The following FAM120AOS variants were observed in gnomAD, a reference collection of about 807,000 sequenced individuals.
FAM120AOS encodes uncharacterized protein FAM120AOS.
In FAM120AOS, 15 loss-of-function variants were observed where a neutral mutation model predicts 20.2. The observed-to-expected ratio is 0.74, with a 90% CI of 0.50 to 1.15. The LOEUF (loss-of-function observed/expected upper bound fraction) is 1.15, where lower values mean the gene tolerates loss of function less well. Ranked by LOEUF, FAM120AOS falls within the 50% of genes most tolerant of loss-of-function variation. The pLI, the probability that FAM120AOS is intolerant of heterozygous loss-of-function variation, is 0.00. For synonymous variants in FAM120AOS, 154 were observed against 154.0 expected, an observed-to-expected ratio of 1.00 and a Z score of 0.00; for missense variants, 327 against 351.9, an observed-to-expected ratio of 0.93 and a Z score of 0.57.
At chr9:93,451,599 G>T (rs556452661) in intron 1 of FAM120AOS, 14 of 982,566 alleles carry the variant, frequency 1.4e-5, no homozygotes, top group Non-Finnish European at 1.7e-5. Context: ...GCTAGCCGGC[G>T]GGCCTGGGCG....
intron 2 of FAM120AOS, among the ~76,000 whole-genome samples, chr9:93,449,374 A>C (rs1856988449): frequency 6.6e-6 from 1 of 152,174 alleles, no homozygotes. Flanking sequence ...ATATTTTTGC[A>C]AGGGCACAGA....
At chr9:93,449,436 C>A (rs1055320902) in intron 2 of FAM120AOS, among the ~76,000 whole-genome samples, 1 of 149,840 alleles carries the variant, frequency 6.7e-6, no homozygotes, top group Non-Finnish European at 1.5e-5. Flanking sequence ...TAGACCTCTA[C>A]AATATAATAA....
chr9:93,449,578 C>T (rs1332210557), intron 2 of FAM120AOS, among the ~76,000 whole-genome samples: 2 of 150,168 alleles, frequency 1.3e-5, no homozygotes, highest in African/African-American at 5.0e-5. Flanking sequence ...ACCTCCACCT[C>T]CCAGGTTCAA....
rs1432834672 is a variant in FAM120AOS, at chr9:93,445,165, T to TAAG, written c.*2443_*2445dup. 1.3e-5 allele frequency among the ~76,000 whole-genome samples: 2 copies of TAAG among 152,246 alleles called. No homozygotes were observed. The highest frequency in any genetic ancestry group is 3.9e-4 in the East Asian group (2 of 5,176). ...TTCTATCTTCTAGGACAGGGTACAG[T>TAAG]AAGTCTTACCAAACATGTAAGACAT... On this transcript the variant is annotated 3_prime_UTR_variant, in exon 3 of 3. Transcript: ENST00000375412.
chr9:93,453,118 C>T lies in FAM120AOS; in HGVS notation c.-409G>A. 9.8e-7 allele frequency: 1 copy of T among 1,015,468 alleles called. No individual in the cohort carries two copies. The highest frequency in any genetic ancestry group is 1.2e-6 in the Non-Finnish European group (1 of 849,802). The allele number at this position is 1,015,468 out of a possible 1,614,324, so 62.9% of individuals were successfully genotyped here. A position where few individuals can be genotyped will look rare whatever the true frequency, so the allele number is the denominator to read the frequency against. On this transcript the variant is annotated 5_prime_UTR_variant, in exon 1 of 3. Transcript: ENST00000375412. ...TGTGAAAGAGGTCTTTAAGGCAGTT[C>T]GGTTTTGTAGATCCCATGCGAAAGG...
In FAM120AOS at chr9:93,447,334, T is replaced by C. The variant is rs1856883413; in HGVS notation, c.*277A>G. On this transcript the variant is annotated 3_prime_UTR_variant, in exon 3 of 3. Transcript: ENST00000375412. Reference sequence around the variant, plus strand: ...TCCCCAGTAGCTGGCCAATGCCCAGTATACACCAGGGGCTCAGTCGCTGTT... The same window carrying C: ...TCCCCAGTAGCTGGCCAATGCCCAGCATACACCAGGGGCTCAGTCGCTGTT... The C allele has an allele frequency of 2.7e-5, 10 of 377,000 alleles. No individual in the cohort carries two copies. In the East Asian group the frequency reaches 4.6e-4, roughly 17 times the overall value. The allele number at this position is 377,000 out of a possible 1,614,324, so 23.4% of individuals were successfully genotyped here.
rs1857335467 is a variant in FAM120AOS, at chr9:93,452,868, T to C, written c.-159A>G. On this transcript the variant is annotated 5_prime_UTR_variant, in exon 1 of 3. The change creates a new upstream start codon in the 5' untranslated region. Transcript: ENST00000375412. The surrounding 1 kb of genome is among the most constrained non-coding windows in gnomAD (Gnocchi z 7.0). ...CGCCAGAGCCCTTGGGGGCTGCAAA[T>C]ATCAGTGCTGCTGCCGCCGCCCTTG... 4.8e-6 allele frequency: 7 copies of C among 1,466,114 alleles called. No homozygotes were observed. The highest frequency in any genetic ancestry group is 6.3e-6 in the Non-Finnish European group (7 of 1,117,316). The allele number at this position is 1,466,114 out of a possible 1,614,324, so 90.8% of individuals were successfully genotyped here.
Position 93,452,012 on chromosome 9 carries a change from G to A in FAM120AOS, c.563+135C>T, listed in dbSNP as rs781312915. The A allele has an allele frequency of 6.4e-7, 1 of 1,555,700 alleles. No individual in the cohort carries two copies. The highest frequency in any genetic ancestry group is 8.7e-7 in the Non-Finnish European group (1 of 1,151,064). On this transcript the variant is annotated intron_variant, in intron 1 of 2. Transcript: ENST00000375412. This position sits in a 1 kb window ranked among gnomAD's most constrained non-coding sequence, Gnocchi z 7.0. ...GAAGCTGGCCCGGGGCAGCCTGGTG[G>A]GCGGCGGGCGGCAGCGGCCCCCGCA... is the stretch of plus-strand genomic sequence containing the variant.
chr9:93,452,279 A>G lies in FAM120AOS; in HGVS notation c.431T>C (p.Ile144Thr), dbSNP rs760085883. 1 of 1,612,544 alleles carries G rather than the reference A, an allele frequency of 6.2e-7. No individual in the cohort carries two copies. The highest frequency in any genetic ancestry group is 8.5e-7 in the Non-Finnish European group (1 of 1,179,830). Residue 144 changes from isoleucine to threonine, a missense_variant, in exon 1 of 3, where the codon ATC (isoleucine) becomes ACC (threonine). By Grantham distance (89) the Ile-to-Thr change is moderately conservative. Coordinates refer to ENST00000375412, the MANE Select transcript of FAM120AOS (RefSeq NM_198841.4). The surrounding 1 kb of genome is among the most constrained non-coding windows in gnomAD (Gnocchi z 7.0). ...CAACGAGCGCCAGACGGCACAGCAGATCGTCAGCCATGTCCAGAACAAGGG... is the reference window on the plus strand; with the variant it reads ...CAACGAGCGCCAGACGGCACAGCAGGTCGTCAGCCATGTCCAGAACAAGGG... ...GVPLFWTWLT[I>T]CCAVWRSLPC...
rs1297382417 is a variant in FAM120AOS at position 93,447,207 on chromosome 9, T to G, written c.*404A>C. The G allele has an allele frequency of 1.7e-5, 3 of 179,306 alleles. No homozygotes were observed. Among genetic ancestry groups the G allele is most frequent in the Non-Finnish European group, 3.6e-5 (3 of 83,268 alleles). 11.1% of individuals were successfully genotyped at this position (179,306 alleles called of 1,614,324 possible). On this transcript the variant is annotated 3_prime_UTR_variant, in exon 3 of 3. Coordinates refer to ENST00000375412, the MANE Select transcript of FAM120AOS (RefSeq NM_198841.4). ...AGTTACACAGGTCACACTGATCCCC[T>G]TTTCCTCTTTTTTTCTATGCAAGTA...
rs1432207880 is a variant in FAM120AOS at position 93,446,322 on chromosome 9, C to G, written c.*1289G>C. On this transcript the variant is annotated 3_prime_UTR_variant, in exon 3 of 3. Coordinates refer to ENST00000375412, the MANE Select transcript of FAM120AOS (RefSeq NM_198841.4). ...CTTCATGTGATCTAGGTTACTCAAG[C>G]CTGGGGCTAGTGTTTTCATATTCTG... Among the ~76,000 whole-genome samples the G allele has an allele frequency of 6.6e-6, 1 of 152,146 alleles. No individual in the cohort carries two copies. Among genetic ancestry groups the G allele is most frequent in the African/African-American group, 2.4e-5 (1 of 41,432 alleles).
Position 93,453,416 on chromosome 9 carries a change from T to C in FAM120AOS, c.-707A>G, listed in dbSNP as rs1467058583. 2.3e-5 allele frequency: 23 copies of C among 985,356 alleles called. No individual in the cohort carries two copies. The highest frequency in any genetic ancestry group is 4.7e-5 in the South Asian group (1 of 21,292). The allele number at this position is 985,356 out of a possible 1,614,324, so 61.0% of individuals were successfully genotyped here. A position where few individuals can be genotyped will look rare whatever the true frequency, so the allele number is the denominator to read the frequency against. On this transcript the variant is annotated 5_prime_UTR_variant, in exon 1 of 3. Transcript: ENST00000375412. ...GATTGCTTGCTTTTTTCATTGGTTT[T>C]CTTGAAAACAAATTTTGGGGGCCTT...
Position 93,450,760 on chromosome 9 carries a change from G to A in FAM120AOS, c.564-161C>T, listed in dbSNP as rs1385115842. On this transcript the variant is annotated intron_variant, in intron 1 of 2. Coordinates refer to ENST00000375412, the MANE Select transcript of FAM120AOS (RefSeq NM_198841.4). ...TACATACAGTATCAACCTCATTTTAGAAGCAGTTACGACAGAGCTTTGGAA... is the reference window on the plus strand; with the variant it reads ...TACATACAGTATCAACCTCATTTTAAAAGCAGTTACGACAGAGCTTTGGAA... 3.3e-6 allele frequency: 4 copies of A among 1,202,484 alleles called. No individual in the cohort carries two copies. The East Asian group carries it at 1.0e-4, about 31-fold the overall frequency. The allele number at this position is 1,202,484 out of a possible 1,614,324, so 74.5% of individuals were successfully genotyped here.
rs1335550968 is a variant in FAM120AOS, at chr9:93,452,543, A to G, written c.167T>C (p.Leu56Ser). 5 of 1,575,850 alleles carry G rather than the reference A, an allele frequency of 3.2e-6. No individual in the cohort carries two copies. In the South Asian group the frequency reaches 4.5e-5, roughly 14 times the overall value. Residue 56 changes from leucine to serine, a missense_variant, in exon 1 of 3, where the codon TTG becomes TCG. This residue lies in a region of FAM120AOS where 155 missense variants were observed against 128.8 expected (regional missense o/e 1.20). Coordinates refer to ENST00000375412, the MANE Select transcript of FAM120AOS (RefSeq NM_198841.4). The surrounding 1 kb of genome is among the most constrained non-coding windows in gnomAD (Gnocchi z 7.0). ...GGATAGCCTGGCCGGGCCGGGCTGC[A>G]AGATGGATGGCCGCGGGTGCAGGCC... ...ARGLHPRPSI[L>S]QPGPARLSRA...
Position 93,450,610 on chromosome 9 carries a change from A to G in FAM120AOS, c.564-11T>C. 1 of 1,604,864 alleles carries G rather than the reference A, an allele frequency of 6.2e-7. No individual in the cohort carries two copies. The highest frequency in any genetic ancestry group is 1.7e-5 in the Admixed American group (1 of 57,662). ...CCTCTACAGAGGTTTCTCCAAAAAA[A>G]GAACAAATGGAGAGATGAAGGTAAG... On this transcript the variant is annotated splice_polypyrimidine_tract_variant and intron_variant, in intron 1 of 2. Transcript: ENST00000375412.
chr9:93,451,630 C>A, intron 1 of FAM120AOS: 1 of 981,968 alleles, frequency 1.0e-6, no homozygotes, highest in Non-Finnish European at 1.2e-6. Context: ...CGGGCGGGTC[C>A]GCTACGTCAG....
Position 93,453,447 on chromosome 9 carries a change from T to C in FAM120AOS, c.-738A>G. On this transcript the variant is annotated 5_prime_UTR_variant, in exon 1 of 3. Coordinates refer to ENST00000375412, the MANE Select transcript of FAM120AOS (RefSeq NM_198841.4). ...AAACAAATTTTGGGGGCCTTTTTGT[T>C]GTCTTAGCTCTTGACACTCGGTCTT... 1 of 985,490 alleles carries C rather than the reference T, an allele frequency of 1.0e-6. No homozygotes were observed. The allele number at this position is 985,490 out of a possible 1,614,324, so 61.0% of individuals were successfully genotyped here. A position where few individuals can be genotyped will look rare whatever the true frequency, so the allele number is the denominator to read the frequency against.
chr9:93,451,258 C>G (rs1448706249), intron 1 of FAM120AOS: 1 of 1,498,244 alleles, frequency 6.7e-7, no homozygotes, highest in African/African-American at 1.4e-5. Context: ...CAGAGTGACT[C>G]GGCCTCGGCT....
rs566572494 is a variant in FAM120AOS at position 93,444,101 on chromosome 9, C to T, written c.*3510G>A. On this transcript the variant is annotated 3_prime_UTR_variant, in exon 3 of 3. Transcript: ENST00000375412. ...TGCTGTCCAGGCTGGAGTGCAATGG[C>T]GCGATCTCGGCTCACTGCAACCTCC... Among the ~76,000 whole-genome samples, 14 of 151,696 alleles carry T rather than the reference C, an allele frequency of 9.2e-5. No homozygotes were observed. In the South Asian group the frequency reaches 2.5e-3, roughly 27 times the overall value.
Sources: allele counts gnomAD v4.1 joint callset (sites outside exome capture counted in the v4.1 genomes callset), GRCh38; gene constraint gnomAD v4.1.1; regional missense constraint gnomAD v4.1.1; non-coding constraint Gnocchi (gnomAD v3.1); transcripts MANE v1.5; gene names NCBI Gene and HGNC (gene_info 2026-07-23, HGNC 2026-07-21).